Variants in SAP25 observed in about 807,000 individuals in gnomAD.
SAP25 encodes the protein histone deacetylase complex subunit SAP25.
In SAP25, 24 loss-of-function variants were observed where a neutral mutation model predicts 31.5. That is an observed-to-expected ratio of 0.76 (90% CI 0.55 to 1.07). The LOEUF (loss-of-function observed/expected upper bound fraction) is 1.07, where lower values mean the gene tolerates loss of function less well. Among genes scored for constraint, SAP25 ranks in the 50% least tolerant of loss-of-function variants. The pLI, the probability that SAP25 is intolerant of heterozygous loss-of-function variation, is 0.00. For synonymous variants in SAP25, 180 were observed against 186.0 expected (o/e 0.97, Z 0.26); for missense variants, 377 against 418.8 (o/e 0.90, Z 0.87).
chr7:100,572,872 G>C lies in SAP25; in HGVS notation c.499C>G (p.Pro167Ala). ...ATGHWNGQQA[P>A]PDAGFPVVCC... ...CCAAGGGAGGTACCTGCATCTGGGGGCGCCTGCTGTCCATTCCAGTGCCCT... is the reference window on the plus strand; with the variant it reads ...CCAAGGGAGGTACCTGCATCTGGGGCCGCCTGCTGTCCATTCCAGTGCCCT... The change falls in exon 4 of 6, where the codon CCC (proline) becomes GCC (alanine). Residue 167 changes from proline to alanine, a missense_variant. Coordinates refer to ENST00000622764, the MANE Select transcript of SAP25 (RefSeq NM_001348680.2). The surrounding 1 kb of genome is among the most constrained non-coding windows in gnomAD (Gnocchi z 4.1). The C allele has an allele frequency of 6.8e-7, 1 of 1,463,420 alleles. No individual in the cohort carries two copies. Among genetic ancestry groups the C allele is most frequent in the Non-Finnish European group, 9.0e-7 (1 of 1,112,202 alleles). The allele number at this position is 1,463,420 out of a possible 1,614,324, so 90.7% of individuals were successfully genotyped here.
Position 100,573,163 on chromosome 7 carries a change from A to G in SAP25, c.300T>C (p.Thr100=), listed in dbSNP as rs1192213270. ...VAWEVAPSRM[T]PLAPWDPKYE... is the part of the protein sequence containing the mutation. ...ACTTGGGGTCCCAGGGCGCTAGTGG[A>G]GTCATCCTCGAGGGGGCCACCTCCC... Residue 100 remains threonine, a synonymous_variant, in exon 3 of 6, where the codon ACT becomes ACC. Transcript: ENST00000622764. 2 of 1,535,106 alleles carry G rather than the reference A, an allele frequency of 1.3e-6. No individual in the cohort carries two copies. Among genetic ancestry groups the G allele is most frequent in the Non-Finnish European group, 1.7e-6 (2 of 1,145,922 alleles).
Position 100,573,894 on chromosome 7 carries a change from G to T in SAP25, c.-152C>A. The T allele has an allele frequency of 1.8e-6, 1 of 556,118 alleles. No individual in the cohort carries two copies. The highest frequency in any genetic ancestry group is 2.4e-6 in the Non-Finnish European group (1 of 414,546). The allele number at this position is 556,118 out of a possible 1,614,324, so 34.4% of individuals were successfully genotyped here. ...ACGCTGGCGCCCTGTGCGTCTCCCG[G>T]CCACGTGGCGCGTGCCCCCGCCGGG... On this transcript the variant is annotated 5_prime_UTR_variant, in exon 1 of 6. Coordinates refer to ENST00000622764, the MANE Select transcript of SAP25 (RefSeq NM_001348680.2).
chr7:100,572,535 T>C lies in SAP25; in HGVS notation c.646A>G (p.Ile216Val). Residue 216 changes from isoleucine (I) to valine (V), a missense_variant, in exon 6 of 6, where the codon ATC becomes GTC. Coordinates refer to ENST00000622764, the MANE Select transcript of SAP25 (RefSeq NM_001348680.2). This position sits in a 1 kb window ranked among gnomAD's most constrained non-coding sequence, Gnocchi z 4.1. The part of the protein sequence containing the change: ...GSLKLLPPPP[I>V]MSARVLPRPS... ...CGGGGGAGCACCCTGGCAGACATGA[T>C]GGGGGGCGGCGGCAGCAGTTTCAGG... The C allele has an allele frequency of 1.4e-6, 2 of 1,430,714 alleles. No homozygotes were observed. Among genetic ancestry groups the C allele is most frequent in the Middle Eastern group, 3.6e-4 (2 of 5,488 alleles). 88.6% of individuals were successfully genotyped at this position (1,430,714 alleles called of 1,614,324 possible). A position where few individuals can be genotyped will look rare whatever the true frequency, so the allele number is the denominator to read the frequency against.
Position 100,572,837 on chromosome 7 carries a change from C to T in SAP25, c.511+23G>A, listed in dbSNP as rs1346611466. ...CAGAGGAGTTGGGGCAGCCTTGCGC[C>T]CCCGGGGGACCAAGGGAGGTACCTG... On this transcript the variant is annotated intron_variant, in intron 4 of 5. Transcript: ENST00000622764. This position sits in a 1 kb window ranked among gnomAD's most constrained non-coding sequence, Gnocchi z 4.1. The T allele has an allele frequency of 6.8e-7, 1 of 1,478,578 alleles. No homozygotes were observed. Among genetic ancestry groups the T allele is most frequent in the Non-Finnish European group, 8.9e-7 (1 of 1,120,154 alleles). The allele number at this position is 1,478,578 out of a possible 1,614,324, so 91.6% of individuals were successfully genotyped here. A position where few individuals can be genotyped will look rare whatever the true frequency, so the allele number is the denominator to read the frequency against.
At chr7:100,573,079 A>G in intron 3 of SAP25, 27 bp downstream of exon 3, 1 of 1,528,310 alleles carries the variant, frequency 6.5e-7, no homozygotes, top group Non-Finnish European at 8.8e-7. Context: ...CACCCCAGCC[A>G]GTCCCACAGG....
chr7:100,572,305 T>A lies in SAP25; in HGVS notation c.876A>T (p.Pro292=). ...GAGAAGGCTATGGACAATGGGTGTC[T>A]GGGGTCTGTGGGAGAGAGAGGTCAG... ...QGADLSLPQT[P]DTHCP Residue 292 remains proline (P), a synonymous_variant, in exon 6 of 6, where the codon CCA becomes CCT. Transcript: ENST00000622764. The surrounding 1 kb of genome is among the most constrained non-coding windows in gnomAD (Gnocchi z 4.1). 1 of 1,325,566 alleles carries A rather than the reference T, an allele frequency of 7.5e-7. No homozygotes were observed. 82.1% of individuals were successfully genotyped at this position (1,325,566 alleles called of 1,614,324 possible).
At position 100,572,454 on chromosome 7, in the gene SAP25, C is replaced by T; in HGVS notation, c.727G>A (p.Ala243Thr). Residue 243 changes from alanine (A) to threonine (T), a missense_variant, in exon 6 of 6, where the codon GCT becomes ACT. Transcript: ENST00000622764. The surrounding 1 kb of genome is among the most constrained non-coding windows in gnomAD (Gnocchi z 4.1). ...TAWLSGPELI[A>T]LTGLLQMSQG... ...CTCATCTGCAGCAGGCCAGTGAGAGCGATCAGCTCCGGCCCGCTGAGCCAG... is the reference window on the plus strand; with the variant it reads ...CTCATCTGCAGCAGGCCAGTGAGAGTGATCAGCTCCGGCCCGCTGAGCCAG... 1 of 1,416,042 alleles carries T rather than the reference C, an allele frequency of 7.1e-7. No homozygotes were observed. The highest frequency in any genetic ancestry group is 9.2e-7 in the Non-Finnish European group (1 of 1,088,028). 87.7% of individuals were successfully genotyped at this position (1,416,042 alleles called of 1,614,324 possible). A position where few individuals can be genotyped will look rare whatever the true frequency, so the allele number is the denominator to read the frequency against.
chr7:100,572,754 A>C lies in SAP25; in HGVS notation c.512-3T>G, dbSNP rs1042611395. 13 of 1,531,064 alleles carry C rather than the reference A, an allele frequency of 8.5e-6. No individual in the cohort carries two copies. The highest frequency in any genetic ancestry group is 1.1e-5 in the Non-Finnish European group (13 of 1,144,876). 94.8% of individuals were successfully genotyped at this position (1,531,064 alleles called of 1,614,324 possible). A position where few individuals can be genotyped will look rare whatever the true frequency, so the allele number is the denominator to read the frequency against. The stretch of plus-strand genomic sequence containing the variant: ...TTCACAGCACACCACCGGGAACCCT[A>C]GGAGGAAACACCACTAGGGTGGCGG... On this transcript the variant is annotated splice_polypyrimidine_tract_variant and splice_region_variant and intron_variant, in intron 4 of 5. Coordinates refer to ENST00000622764, the MANE Select transcript of SAP25 (RefSeq NM_001348680.2). This position sits in a 1 kb window ranked among gnomAD's most constrained non-coding sequence, Gnocchi z 4.1.
At position 100,572,388 on chromosome 7, in the gene SAP25, G is replaced by A; in HGVS notation, c.793C>T (p.Pro265Ser). The A allele has an allele frequency of 7.1e-7, 1 of 1,409,990 alleles. No individual in the cohort carries two copies. Among genetic ancestry groups the A allele is most frequent in the Non-Finnish European group, 9.2e-7 (1 of 1,085,318 alleles). The allele number at this position is 1,409,990 out of a possible 1,614,324, so 87.3% of individuals were successfully genotyped here. Residue 265 changes from proline to serine, a missense_variant, in exon 6 of 6, where the codon CCA (proline) becomes TCA (serine). By Grantham distance (74) the Pro-to-Ser change is moderately conservative. Transcript: ENST00000622764. This position sits in a 1 kb window ranked among gnomAD's most constrained non-coding sequence, Gnocchi z 4.1. ...PRPSSSAVGP[P>S]DHTSDPPSPC... ...CTGGGTGGGTCAGAGGTATGGTCTG[G>A]GGGGCCAACCGCGGAGGAGCTGGGC...
intron 1 of SAP25, 95 bp from the exon 2 acceptor site, chr7:100,573,495 CA>C: frequency 8.2e-7 from 1 of 1,215,766 alleles, no homozygotes; most frequent in Non-Finnish European, 1.0e-6. Context: ...CCGAGGGACC[CA>C]ATCTCCAGCA....
chr7:100,572,926 T>C lies in SAP25; in HGVS notation c.445A>G (p.Arg149Gly), dbSNP rs934329661. Residue 149 changes from arginine (R) to glycine (G), a missense_variant, in exon 4 of 6, where the codon AGG becomes GGG. Arg to Gly is a moderately radical substitution (Grantham distance 125, BLOSUM62 -2). Coordinates refer to ENST00000622764, the MANE Select transcript of SAP25 (RefSeq NM_001348680.2). This position sits in a 1 kb window ranked among gnomAD's most constrained non-coding sequence, Gnocchi z 4.1. ...FWPLYEAASG[R>G]GLRPVAPATG... ...GCAGGGGCCACGGGCCTGAGACCCCTGCCCGAGGCTGCTTCATACAGCGGC... is the reference window on the plus strand; with the variant it reads ...GCAGGGGCCACGGGCCTGAGACCCCCGCCCGAGGCTGCTTCATACAGCGGC... The C allele has an allele frequency of 6.7e-7, 1 of 1,491,200 alleles. No homozygotes were observed. Among genetic ancestry groups the C allele is most frequent in the Non-Finnish European group, 8.9e-7 (1 of 1,123,886 alleles). The allele number at this position is 1,491,200 out of a possible 1,614,324, so 92.4% of individuals were successfully genotyped here. A position where few individuals can be genotyped will look rare whatever the true frequency, so the allele number is the denominator to read the frequency against.
Position 100,572,734 on chromosome 7 carries a change from A to T in SAP25, c.529T>A (p.Cys177Ser). The T allele has an allele frequency of 2.0e-6, 3 of 1,535,188 alleles. No homozygotes were observed. The highest frequency in any genetic ancestry group is 2.6e-6 in the Non-Finnish European group (3 of 1,146,168). ...PPDAGFPVVC[C>S]EDVFLSDPLL... ...GGGTCCGAGAGGAAGACATCTTCAC[A>T]GCACACCACCGGGAACCCTAGGAGG... Residue 177 changes from cysteine to serine, a missense_variant, in exon 5 of 6, where the codon TGT becomes AGT. By Grantham distance (112) the Cys-to-Ser change is moderately radical (BLOSUM62 -1). Coordinates refer to ENST00000622764, the MANE Select transcript of SAP25 (RefSeq NM_001348680.2). The surrounding 1 kb of genome is among the most constrained non-coding windows in gnomAD (Gnocchi z 4.1).
In SAP25 at chr7:100,573,749, T is replaced by C; in HGVS notation, c.-7A>G. 1.7e-6 allele frequency: 2 copies of C among 1,211,430 alleles called. No individual in the cohort carries two copies. The highest frequency in any genetic ancestry group is 2.1e-6 in the Non-Finnish European group (2 of 975,052). The allele number at this position is 1,211,430 out of a possible 1,614,324, so 75.0% of individuals were successfully genotyped here. A position where few individuals can be genotyped will look rare whatever the true frequency, so the allele number is the denominator to read the frequency against. ...GCGGCGACCAGGGCAACATTCCGCG[T>C]TCCCGAGCGCAGGACGGTACCGCCG... is the stretch of plus-strand genomic sequence containing the variant. On this transcript the variant is annotated 5_prime_UTR_variant, in exon 1 of 6. Coordinates refer to ENST00000622764, the MANE Select transcript of SAP25 (RefSeq NM_001348680.2).
chr7:100,573,307 G>C lies in SAP25; in HGVS notation c.240C>G (p.Pro80=). 7.2e-7 allele frequency: 1 copy of C among 1,390,332 alleles called. No homozygotes were observed. The highest frequency in any genetic ancestry group is 9.3e-7 in the Non-Finnish European group (1 of 1,070,894). The allele number at this position is 1,390,332 out of a possible 1,614,324, so 86.1% of individuals were successfully genotyped here. A position where few individuals can be genotyped will look rare whatever the true frequency, so the allele number is the denominator to read the frequency against. The change falls in exon 2 of 6, where the codon CCC becomes CCG. Residue 80 remains proline, a synonymous_variant. Coordinates refer to ENST00000622764, the MANE Select transcript of SAP25 (RefSeq NM_001348680.2). The part of the protein sequence containing the change: ...HLPGPATEQP[P]GAPDPRSPQV... ...CAGGGCCTGTCCTACCTGGGGCTCC[G>C]GGGGGCTGCTCAGTGGCCGGGCCTG...
chr7:100,573,367 G>C lies in SAP25; in HGVS notation c.180C>G (p.Ile60Met), dbSNP rs1801209597. 7.2e-7 allele frequency: 1 copy of C among 1,379,744 alleles called. No homozygotes were observed. Among genetic ancestry groups the C allele is most frequent in the Admixed American group, 3.0e-5 (1 of 33,630 alleles). 85.5% of individuals were successfully genotyped at this position (1,379,744 alleles called of 1,614,324 possible). The change falls in exon 2 of 6, where the codon ATC becomes ATG. Residue 60 changes from isoleucine (I) to methionine (M), a missense_variant. By Grantham distance (10) the Ile-to-Met change is conservative. Transcript: ENST00000622764. ...PQPPSRSPSWIWREQLLLPHH... is the reference protein window; with the variant it reads ...PQPPSRSPSWMWREQLLLPHH... ...GGGGCAGCAGCAGCTGCTCTCTCCA[G>C]ATCCAGGAAGGGCTACGGGATGGGG...
In SAP25 at chr7:100,572,405, G is replaced by C. The variant is rs772702920; in HGVS notation, c.776C>G (p.Ser259Cys). ...QMSQGEPRPS[S>C]SAVGPPDHTS... ...ATGGTCTGGGGGGCCAACCGCGGAG[G>C]AGCTGGGCCTAGGCTCCCCCTGGCT... The change falls in exon 6 of 6, where the codon TCC becomes TGC. Residue 259 changes from serine (S) to cysteine (C), a missense_variant. Ser to Cys is a moderately radical substitution (Grantham distance 112). Coordinates refer to ENST00000622764, the MANE Select transcript of SAP25 (RefSeq NM_001348680.2). The surrounding 1 kb of genome is among the most constrained non-coding windows in gnomAD (Gnocchi z 4.1). 199 of 1,408,012 alleles carry C rather than the reference G, an allele frequency of 1.4e-4. No homozygotes were observed. Among genetic ancestry groups the C allele is most frequent in the Middle Eastern group, 2.0e-4 (1 of 5,058 alleles). 87.2% of individuals were successfully genotyped at this position (1,408,012 alleles called of 1,614,324 possible).
At position 100,572,395 on chromosome 7, in the gene SAP25, A is replaced by G; in HGVS notation, c.786T>C (p.Val262=). The G allele has an allele frequency of 1.4e-6, 2 of 1,403,864 alleles. No individual in the cohort carries two copies. The highest frequency in any genetic ancestry group is 1.8e-6 in the Non-Finnish European group (2 of 1,082,236). The allele number at this position is 1,403,864 out of a possible 1,614,324, so 87.0% of individuals were successfully genotyped here. Residue 262 remains valine, a synonymous_variant, in exon 6 of 6, where the codon GTT becomes GTC. Coordinates refer to ENST00000622764, the MANE Select transcript of SAP25 (RefSeq NM_001348680.2). This position sits in a 1 kb window ranked among gnomAD's most constrained non-coding sequence, Gnocchi z 4.1. ...GGTCAGAGGTATGGTCTGGGGGGCCAACCGCGGAGGAGCTGGGCCTAGGCT... is the reference window on the plus strand; with the variant it reads ...GGTCAGAGGTATGGTCTGGGGGGCCGACCGCGGAGGAGCTGGGCCTAGGCT... The part of the protein sequence containing the change: ...QGEPRPSSSA[V]GPPDHTSDPP...
Position 100,572,753 on chromosome 7 carries a change from TAGG to T in SAP25, c.512-5_512-3del. Reference sequence around the variant, plus strand: ...CTTCACAGCACACCACCGGGAACCCTAGGAGGAAACACCACTAGGGTGGCGGGC... The same window carrying T: ...CTTCACAGCACACCACCGGGAACCCTAGGAAACACCACTAGGGTGGCGGGC... On this transcript the variant is annotated splice_region_variant and splice_polypyrimidine_tract_variant and intron_variant, in intron 4 of 5. Transcript: ENST00000622764. The surrounding 1 kb of genome is among the most constrained non-coding windows in gnomAD (Gnocchi z 4.1). The T allele has an allele frequency of 6.5e-7, 1 of 1,530,114 alleles. No homozygotes were observed. Among genetic ancestry groups the T allele is most frequent in the Non-Finnish European group, 8.7e-7 (1 of 1,144,524 alleles). 94.8% of individuals were successfully genotyped at this position (1,530,114 alleles called of 1,614,324 possible).
chr7:100,573,701 C>T lies in SAP25; in HGVS notation c.42G>A (p.Glu14=). 1.6e-6 allele frequency: 2 copies of T among 1,228,878 alleles called. No homozygotes were observed. The highest frequency in any genetic ancestry group is 2.0e-6 in the Non-Finnish European group (2 of 986,070). 76.1% of individuals were successfully genotyped at this position (1,228,878 alleles called of 1,614,324 possible). A position where few individuals can be genotyped will look rare whatever the true frequency, so the allele number is the denominator to read the frequency against. ...GAAGGCCTGGTCCCTCGGGCGCCTCCTCCGGGCCCGCGCCCCACCGCGGCG... is the reference window on the plus strand; with the variant it reads ...GAAGGCCTGGTCCCTCGGGCGCCTCTTCCGGGCCCGCGCCCCACCGCGGCG... ...WSPPRWGAGP[E]EAPEGPGLPA... The change falls in exon 1 of 6, where the codon GAG becomes GAA. Residue 14 remains glutamate (E), a synonymous_variant. Coordinates refer to ENST00000622764, the MANE Select transcript of SAP25 (RefSeq NM_001348680.2).
Sources: gnomAD v4.1 joint callset for allele counts on GRCh38, gnomAD v4.1.1 for gene constraint, Gnocchi (gnomAD v3.1) non-coding constraint, MANE v1.5 for transcripts, NCBI Gene and HGNC (gene_info 2026-07-23, HGNC 2026-07-21) for gene names.